Variants in CCSER1 observed in about 807,000 individuals in gnomAD.
CCSER1 encodes coiled-coil serine rich protein 1, also known as serine-rich coiled-coil domain-containing protein 1.
A neutral mutation model predicts 82.0 loss-of-function variants in CCSER1; 41 were observed. The ratio of observed to expected loss-of-function variants is 0.50; its 90% CI spans 0.39 to 0.65. The LOEUF is 0.65. Among genes scored for constraint, CCSER1 ranks in the 30% least tolerant of loss-of-function variants. CCSER1 has a pLI of 0.00. For synonymous variants in CCSER1, 414 were observed against 383.9 expected (o/e 1.08, Z -0.92); for missense variants, 1,119 against 1,064.2 (o/e 1.05, Z -0.72).
chr4:90,540,500 A>G (rs1044994246), intron 5 of CCSER1, among the ~76,000 whole-genome samples: 1 of 152,122 alleles, frequency 6.6e-6, no homozygotes, highest in Non-Finnish European at 1.5e-5. Flanking sequence ...AGCATTATAT[A>G]TTTCAAAACT....
At chr4:90,886,762 C>T (rs979047382) in intron 8 of CCSER1, among the ~76,000 whole-genome samples, 1 of 152,088 alleles carries the variant, frequency 6.6e-6, no homozygotes, top group Admixed American at 6.6e-5. Flanking sequence ...ACTACAGAGA[C>T]CTCAGTCTTA....
chr4:91,524,882 G>C (rs1346758392), intron 10 of CCSER1, among the ~76,000 whole-genome samples: 1 of 152,140 alleles, frequency 6.6e-6, no homozygotes, highest in Admixed American at 6.5e-5. Context: ...ATAGGACATA[G>C]TATTTCCAGG....
intron 10 of CCSER1, among the ~76,000 whole-genome samples, chr4:91,311,675 C>T (rs1365415778): frequency 6.6e-6 from 1 of 151,888 alleles, no homozygotes; most frequent in Non-Finnish European, 1.5e-5. Flanking sequence ...CATAAACTGA[C>T]ATTGAAACAG....
At chr4:90,739,654 T>C (rs188906758) in intron 7 of CCSER1, among the ~76,000 whole-genome samples, 25 of 152,318 alleles carry the variant, frequency 1.6e-4, no homozygotes, top group African/African-American at 5.3e-4. Flanking sequence ...GGATGAGTAA[T>C]TCACCTCTGG....
chr4:91,267,378 AG>A (rs1405812946), intron 10 of CCSER1, among the ~76,000 whole-genome samples: 3 of 152,224 alleles, frequency 2.0e-5, no homozygotes, highest in Non-Finnish European at 4.4e-5. Flanking sequence ...TATATCAAAT[AG>A]GAAAAAAATA....
chr4:90,940,286 CCCTT>C (rs1000519548), intron 9 of CCSER1, among the ~76,000 whole-genome samples: 6 of 151,642 alleles, frequency 4.0e-5, no homozygotes, highest in Non-Finnish European at 7.4e-5. Flanking sequence ...CTCCCTTCCT[CCCTT>C]CCTTCCTTCT....
intron 5 of CCSER1, among the ~76,000 whole-genome samples, chr4:90,540,903 G>T (rs927486095): frequency 6.6e-6 from 1 of 152,058 alleles, no homozygotes; most frequent in African/African-American, 2.4e-5. Context: ...CAATAAAATT[G>T]TTTTATGATT....
At chr4:90,986,142 A>G (rs1005453941) in intron 9 of CCSER1, among the ~76,000 whole-genome samples, 2 of 151,754 alleles carry the variant, frequency 1.3e-5, no homozygotes, top group African/African-American at 4.8e-5. Context: ...TGTTAAGTAT[A>G]TCTTAATCTG....
At chr4:90,200,356 G>A (rs979008744) in intron 1 of CCSER1, among the ~76,000 whole-genome samples, 1 of 151,972 alleles carries the variant, frequency 6.6e-6, no homozygotes, top group Non-Finnish European at 1.5e-5. Flanking sequence ...TTCCTAGAGA[G>A]CAAAATTAAT....
chr4:90,870,219 C>T (rs1382608586), intron 8 of CCSER1, among the ~76,000 whole-genome samples: 4 of 151,908 alleles, frequency 2.6e-5, no homozygotes, highest in Non-Finnish European at 5.9e-5. Context: ...GCTAGGACTT[C>T]CAGTACTATG....
At position 90,484,367 on chromosome 4, in the gene CCSER1, C is replaced by G. The variant is rs1464095476; in HGVS notation, c.1724+16013C>G. On this transcript the variant is annotated intron_variant, in intron 5 of 10. Coordinates refer to ENST00000509176, the MANE Select transcript of CCSER1 (RefSeq NM_001145065.2). ...TTGATCTTCTGAAGCCTTGTTCTCTCAACTCATCAAAGTCATTCTCCATCC... is the reference window on the plus strand; with the variant it reads ...TTGATCTTCTGAAGCCTTGTTCTCTGAACTCATCAAAGTCATTCTCCATCC... Among the ~76,000 whole-genome samples the G allele has an allele frequency of 2.6e-5, 4 of 152,234 alleles. No homozygotes were observed. The East Asian group carries it at 7.7e-4, about 29-fold the overall frequency.
intron 1 of CCSER1, among the ~76,000 whole-genome samples, chr4:90,166,376 A>G (rs1308427334): frequency 1.3e-5 from 2 of 152,136 alleles, no homozygotes; most frequent in Non-Finnish European, 2.9e-5. Context: ...GTGTTGTGTA[A>G]TAGCAACACT....
intron 9 of CCSER1, among the ~76,000 whole-genome samples, chr4:91,018,223 A>C (rs1739611552): frequency 6.6e-6 from 1 of 152,070 alleles, no homozygotes; most frequent in Admixed American, 6.6e-5. Flanking sequence ...TTCTCACTCA[A>C]AGCATAGCTT....
intron 10 of CCSER1, among the ~76,000 whole-genome samples, chr4:91,497,801 A>G (rs1759004000): frequency 6.6e-6 from 1 of 151,956 alleles, no homozygotes; most frequent in African/African-American, 2.4e-5. Flanking sequence ...CAGGACCAGT[A>G]AGACTAAATG....
intron 7 of CCSER1, among the ~76,000 whole-genome samples, chr4:90,785,167 T>G (rs540211674): frequency 6.6e-6 from 1 of 152,182 alleles, no homozygotes; most frequent in African/African-American, 2.4e-5. Flanking sequence ...CTCCCAAGTA[T>G]ATGGGACTGC....
intron 10 of CCSER1, among the ~76,000 whole-genome samples, chr4:91,544,683 G>T (rs1205825190): frequency 2.0e-5 from 3 of 152,144 alleles, no homozygotes; most frequent in African/African-American, 7.2e-5. Flanking sequence ...CTTTGTCTCA[G>T]AGGGGCACCC....
At chr4:90,625,387 A>G (rs1259588279) in intron 5 of CCSER1, among the ~76,000 whole-genome samples, 1 of 152,208 alleles carries the variant, frequency 6.6e-6, no homozygotes, top group African/African-American at 2.4e-5. Flanking sequence ...GCACCAACCA[A>G]TCAGAAAGAC....
intron 7 of CCSER1, among the ~76,000 whole-genome samples, chr4:90,758,468 A>G (rs1470656934): frequency 6.6e-6 from 1 of 152,146 alleles, no homozygotes; most frequent in Non-Finnish European, 1.5e-5. Flanking sequence ...ATACATAAAT[A>G]CATGATAGGT....
intron 9 of CCSER1, among the ~76,000 whole-genome samples, chr4:91,051,395 TG>T: frequency 6.6e-6 from 1 of 152,156 alleles, no homozygotes; most frequent in East Asian, 1.9e-4. Flanking sequence ...CAATTGCTAT[TG>T]GGGATGCTTG....
Sources: allele counts gnomAD v4.1 joint callset (sites outside exome capture counted in the v4.1 genomes callset), GRCh38; gene constraint gnomAD v4.1.1; transcripts MANE v1.5; gene names NCBI Gene and HGNC (gene_info 2026-07-23, HGNC 2026-07-21).